The following GFOD1 variants were observed in gnomAD, a reference collection of about 807,000 sequenced individuals.
GFOD1 encodes glucose-fructose oxidoreductase domain-containing protein 1.
In GFOD1, 9 loss-of-function variants were observed where a neutral mutation model predicts 25.4. The ratio of observed to expected loss-of-function variants is 0.35; its 90% CI spans 0.21 to 0.62. The LOEUF (loss-of-function observed/expected upper bound fraction) is 0.62, where lower values mean the gene tolerates loss of function less well. Ranked by LOEUF, GFOD1 falls within the 20% of genes least tolerant of loss-of-function variation. The pLI is 0.72. For missense variants in GFOD1, 403 were observed against 556.9 expected (o/e 0.72, Z 2.78); for synonymous variants, 253 against 245.6 (o/e 1.03, Z -0.28).
chr6:13,419,792 T>C (rs1363672590), intron 1 of GFOD1, among the ~76,000 whole-genome samples: 1 of 152,144 alleles, frequency 6.6e-6, no homozygotes, highest in African/African-American at 2.4e-5. Flanking sequence ...ACCTGAAACC[T>C]GCTGTCCGTA....
intron 1 of GFOD1, among the ~76,000 whole-genome samples, chr6:13,477,946 C>A (rs1176821470): frequency 6.6e-6 from 1 of 151,940 alleles, no homozygotes; most frequent in Non-Finnish European, 1.5e-5. Flanking sequence ...TGCCTGTAAT[C>A]CCAGCTACTT....
chr6:13,366,646 T>A (rs552458789), intron 1 of GFOD1, among the ~76,000 whole-genome samples: 21 of 151,836 alleles, frequency 1.4e-4, no homozygotes, highest in Non-Finnish European at 1.8e-4. Context: ...TTTTTTTTTT[T>A]AAAAGAGATG....
At chr6:13,438,206 T>C (rs1480261120) in intron 1 of GFOD1, among the ~76,000 whole-genome samples, 2 of 152,218 alleles carry the variant, frequency 1.3e-5, no homozygotes, top group East Asian at 1.9e-4. Context: ...TTAGTATTGA[T>C]GAACCCAGCC....
intron 1 of GFOD1, among the ~76,000 whole-genome samples, chr6:13,378,226 G>C (rs1421153884): frequency 6.6e-6 from 1 of 152,130 alleles, no homozygotes; most frequent in Admixed American, 6.5e-5. Flanking sequence ...TCAGTTCTGT[G>C]GTCCCAAAGC....
intron 1 of GFOD1, among the ~76,000 whole-genome samples, chr6:13,379,778 C>G (rs958782370): frequency 5.3e-5 from 8 of 152,026 alleles, no homozygotes; most frequent in African/African-American, 1.9e-4. Flanking sequence ...CTTTCTGGAC[C>G]CCTTTCTGAA....
At position 13,387,234 on chromosome 6, in the gene GFOD1, G is replaced by A. The variant is rs900019319; in HGVS notation, c.254-21572C>T. Among the ~76,000 whole-genome samples the A allele has an allele frequency of 5.3e-5, 8 of 152,146 alleles. No homozygotes were observed. The South Asian group carries it at 1.7e-3, about 31-fold the overall frequency. On this transcript the variant is annotated intron_variant, in intron 1 of 1. Coordinates refer to ENST00000379287, the MANE Select transcript of GFOD1 (RefSeq NM_018988.4). ...CATCCAAGCAGCAACATAGAGCAATGCCCAGATAATCTGACAACTCCTTTT... is the reference window on the plus strand; with the variant it reads ...CATCCAAGCAGCAACATAGAGCAATACCCAGATAATCTGACAACTCCTTTT...
intron 1 of GFOD1, among the ~76,000 whole-genome samples, chr6:13,403,307 G>A (rs1303950151): frequency 2.6e-5 from 4 of 152,048 alleles, no homozygotes; most frequent in African/African-American, 2.4e-5. Context: ...TGTATTTTTA[G>A]TAGAGACGGG....
chr6:13,365,102 C>T lies in GFOD1; in HGVS notation c.814G>A (p.Ala272Thr). Residue 272 changes from alanine to threonine, a missense_variant, in exon 2 of 2, where the codon GCC (alanine) becomes ACC (threonine). Ala to Thr is a moderately conservative substitution (Grantham distance 58). Coordinates refer to ENST00000379287, the MANE Select transcript of GFOD1 (RefSeq NM_018988.4). This position sits in a 1 kb window ranked among gnomAD's most constrained non-coding sequence, Gnocchi z 9.2. Reference protein sequence around the residue: ...GTDLYGQRNSAPEQELLVQDA... With the variant: ...GTDLYGQRNSTPEQELLVQDA... ...TGCACCAGCAGCTCCTGCTCCGGGGCGCTGTTGCGCTGCCCGTACAGGTCG... is the reference window on the plus strand; with the variant it reads ...TGCACCAGCAGCTCCTGCTCCGGGGTGCTGTTGCGCTGCCCGTACAGGTCG... 3 of 1,612,502 alleles carry T rather than the reference C, an allele frequency of 1.9e-6. No homozygotes were observed. Among genetic ancestry groups the T allele is most frequent in the South Asian group, 1.1e-5 (1 of 91,036 alleles).
chr6:13,455,244 C>A (rs901518285), intron 1 of GFOD1, among the ~76,000 whole-genome samples: 1 of 152,096 alleles, frequency 6.6e-6, no homozygotes, highest in Non-Finnish European at 1.5e-5. Flanking sequence ...GGTTTCTGAC[C>A]CAACCCGAAC....
At chr6:13,426,151 G>T (rs1239085850) in intron 1 of GFOD1, among the ~76,000 whole-genome samples, 1 of 152,220 alleles carries the variant, frequency 6.6e-6, no homozygotes, top group Non-Finnish European at 1.5e-5. Flanking sequence ...AGCAGACGTG[G>T]AAAGCAGGTT....
intron 1 of GFOD1, among the ~76,000 whole-genome samples, chr6:13,413,204 C>A (rs1278177430): frequency 6.6e-6 from 1 of 152,200 alleles, no homozygotes; most frequent in Non-Finnish European, 1.5e-5. Flanking sequence ...GCCCACAGGG[C>A]CTTGACCCTT....
chr6:13,486,268 C>T, intron 1 of GFOD1: 1 of 282,448 alleles, frequency 3.5e-6, no homozygotes. Flanking sequence ...CACACACACA[C>T]ACTTGGACAC....
In GFOD1 at chr6:13,361,626, A is replaced by C. The variant is rs529455450; in HGVS notation, c.*3117T>G. The C allele has an allele frequency of 6.6e-6, 1 of 152,372 alleles. No homozygotes were observed. Among genetic ancestry groups the C allele is most frequent in the East Asian group, 1.9e-4 (1 of 5,188 alleles). 9.4% of individuals were successfully genotyped at this position (152,372 alleles called of 1,614,324 possible). ...CAGCTTCATATAGCTACCCCAAATC[A>C]AGTCTTTGCATGTGGTGGGATAAGG... is the stretch of plus-strand genomic sequence containing the variant. On this transcript the variant is annotated 3_prime_UTR_variant, in exon 2 of 2. Transcript: ENST00000379287.
At chr6:13,376,041 C>A (rs951653393) in intron 1 of GFOD1, among the ~76,000 whole-genome samples, 12 of 152,290 alleles carry the variant, frequency 7.9e-5, no homozygotes, top group African/African-American at 2.2e-4. Flanking sequence ...CTACTTCCAG[C>A]CCAAGGGAGA....
intron 1 of GFOD1, among the ~76,000 whole-genome samples, chr6:13,377,484 C>T (rs1785278043): frequency 6.6e-6 from 1 of 152,172 alleles, no homozygotes; most frequent in African/African-American, 2.4e-5. Flanking sequence ...TCTACAGAGC[C>T]CACTTTCCTG....
At chr6:13,476,380 T>G (rs1293358292) in intron 1 of GFOD1, among the ~76,000 whole-genome samples, 1 of 152,188 alleles carries the variant, frequency 6.6e-6, no homozygotes, top group Non-Finnish European at 1.5e-5. Context: ...TATATGAAAG[T>G]TCTAGGAAAG....
intron 1 of GFOD1, chr6:13,469,471 T>G (rs567764240): frequency 2.0e-6 from 2 of 991,228 alleles, no homozygotes; most frequent in South Asian, 4.6e-5. Flanking sequence ...ATTTCCCCGT[T>G]TCTATACTTT....
chr6:13,433,923 A>G (rs1018777779), intron 1 of GFOD1, among the ~76,000 whole-genome samples: 1 of 152,246 alleles, frequency 6.6e-6, no homozygotes, highest in Non-Finnish European at 1.5e-5. Flanking sequence ...TCTGCAGACT[A>G]TCGTCTCAAC....
At chr6:13,429,728 T>C (rs1433453059) in intron 1 of GFOD1, among the ~76,000 whole-genome samples, 1 of 152,192 alleles carries the variant, frequency 6.6e-6, no homozygotes, top group South Asian at 2.1e-4. Context: ...CTTAAAAGAA[T>C]AGAAGAGAAC....
Sources: allele counts gnomAD v4.1 joint callset (sites outside exome capture counted in the v4.1 genomes callset), GRCh38; gene constraint gnomAD v4.1.1; non-coding constraint Gnocchi (gnomAD v3.1); transcripts MANE v1.5; gene names NCBI Gene and HGNC (gene_info 2026-07-23, HGNC 2026-07-21).